The following SLC1A1 variants were observed in gnomAD, a reference collection of about 807,000 sequenced individuals.
The protein encoded by SLC1A1 is solute carrier family 1 member 1.
In SLC1A1, 43 loss-of-function variants were observed where a neutral mutation model predicts 53.3. The observed-to-expected ratio is 0.81, with a 90% CI of 0.63 to 1.04. The LOEUF is 1.04. SLC1A1 is among the 50% of genes least tolerant of loss of function. The pLI is 0.00. For synonymous variants in SLC1A1, 307 were observed against 243.2 expected (o/e 1.26, Z -2.44); for missense variants, 748 against 664.9 (o/e 1.12, Z -1.37).
At chr9:4,508,498 A>G (rs1205414270) in intron 1 of SLC1A1, among the ~76,000 whole-genome samples, 1 of 152,026 alleles carries the variant, frequency 6.6e-6, no homozygotes, top group Non-Finnish European at 1.5e-5. Context: ...GACTCCTAAG[A>G]CTCCATCCCC....
chr9:4,509,003 G>A (rs75136205), intron 1 of SLC1A1, among the ~76,000 whole-genome samples: 107 of 152,140 alleles, frequency 7.0e-4, no homozygotes, highest in African/African-American at 2.4e-3. Context: ...AACTGAGTAG[G>A]GTCCAGAGGA....
At chr9:4,527,535 G>T (rs77941322) in intron 1 of SLC1A1, among the ~76,000 whole-genome samples, 3,339 of 152,192 alleles carry the variant, frequency 0.022, 126 homozygotes, top group African/African-American at 0.077. Context: ...ACACTAGACT[G>T]TTATGGTATA....
intron 1 of SLC1A1, among the ~76,000 whole-genome samples, chr9:4,515,816 T>C (rs566790070): frequency 6.6e-6 from 1 of 152,280 alleles, no homozygotes; most frequent in Admixed American, 6.5e-5. Flanking sequence ...AGCTGGCTGC[T>C]GAGTCAGAAC....
intron 1 of SLC1A1, among the ~76,000 whole-genome samples, chr9:4,523,196 G>C (rs1336267153): frequency 1.3e-5 from 2 of 152,132 alleles, no homozygotes; most frequent in Non-Finnish European, 1.5e-5. Flanking sequence ...TTAGATGTGA[G>C]CTCCTTGAGG....
chr9:4,515,690 G>A (rs138804621), intron 1 of SLC1A1, among the ~76,000 whole-genome samples: 1 of 152,316 alleles, frequency 6.6e-6, no homozygotes, highest in African/African-American at 2.4e-5. Flanking sequence ...TTCACTCCTA[G>A]AGTACTGCAG....
At chr9:4,558,372 A>G (rs1303697684) in intron 2 of SLC1A1, among the ~76,000 whole-genome samples, 1 of 152,172 alleles carries the variant, frequency 6.6e-6, no homozygotes, top group Non-Finnish European at 1.5e-5. Flanking sequence ...CAGTGTAGAG[A>G]AGTATAATCG....
chr9:4,575,975 CTTTAA>C, intron 8 of SLC1A1, 21 bp from the exon 9 acceptor site: 7 of 1,612,778 alleles, frequency 4.3e-6, no homozygotes, highest in Admixed American at 1.7e-5. Flanking sequence ...ATCTTTGAAA[CTTTAA>C]TTTCTCTTTC....
At chr9:4,561,349 C>A (rs774735354) in intron 2 of SLC1A1, 100 bp from the exon 3 acceptor site, 5 of 790,276 alleles carry the variant, frequency 6.3e-6, no homozygotes, top group Non-Finnish European at 1.1e-5. Flanking sequence ...TAGATGAGAA[C>A]GCCTCTCAGC....
intron 1 of SLC1A1, among the ~76,000 whole-genome samples, chr9:4,509,898 A>G (rs1456018075): frequency 6.6e-6 from 1 of 152,154 alleles, no homozygotes; most frequent in African/African-American, 2.4e-5. Context: ...CAGTGGTATG[A>G]TCTCAGCTCA....
In SLC1A1 at chr9:4,583,008, A is replaced by G. The variant is rs754368924; in HGVS notation, c.1194-30A>G. 4 of 1,614,010 alleles carry G rather than the reference A, an allele frequency of 2.5e-6. No individual in the cohort carries two copies. The South Asian group carries it at 3.3e-5, about 13-fold the overall frequency. ...GCTTTAACGGGAGAGGTAAGTGTCT[A>G]ACTCCTTTCCTGCTGGTATGTTTCT... is the stretch of plus-strand genomic sequence containing the variant. On this transcript the variant is annotated intron_variant, in intron 10 of 11. Transcript: ENST00000262352. The surrounding 1 kb of genome is among the most constrained non-coding windows in gnomAD (Gnocchi z 4.6).
intron 1 of SLC1A1, among the ~76,000 whole-genome samples, chr9:4,538,072 G>C (rs959048279): frequency 2.0e-5 from 3 of 152,116 alleles, no homozygotes; most frequent in African/African-American, 7.2e-5. Flanking sequence ...TTCAAGGCCT[G>C]ACATATAGTA....
intron 1 of SLC1A1, among the ~76,000 whole-genome samples, chr9:4,533,810 T>C (rs1816568906): frequency 6.6e-6 from 1 of 152,152 alleles, no homozygotes. Context: ...TAGTTGGAAG[T>C]AAAGCACTCC....
At chr9:4,577,995 A>G (rs899165906) in intron 10 of SLC1A1, among the ~76,000 whole-genome samples, 1 of 152,222 alleles carries the variant, frequency 6.6e-6, no homozygotes, top group Non-Finnish European at 1.5e-5. Flanking sequence ...GGATTGGCAG[A>G]TGATTCTAAA....
chr9:4,523,352 CTTT>C (rs554001010), intron 1 of SLC1A1, among the ~76,000 whole-genome samples: 1 of 148,202 alleles, frequency 6.7e-6, no homozygotes, highest in African/African-American at 2.5e-5. Flanking sequence ...AATGCCTTTT[CTTT>C]TTTTTTTTCC....
chr9:4,544,717 G>A lies in SLC1A1; in HGVS notation c.232+10G>A, dbSNP rs1817309135. 1.2e-6 allele frequency: 2 copies of A among 1,607,728 alleles called. No homozygotes were observed. The highest frequency in any genetic ancestry group is 1.7e-6 in the Non-Finnish European group (2 of 1,174,642). ...TCCAGCATGATTACAGGTACCTTGAGAAAACAGATGTTCTCTATATTAGTC... is the reference window on the plus strand; with the variant it reads ...TCCAGCATGATTACAGGTACCTTGAAAAAACAGATGTTCTCTATATTAGTC... On this transcript the variant is annotated intron_variant, in intron 2 of 11. Coordinates refer to ENST00000262352, the MANE Select transcript of SLC1A1 (RefSeq NM_004170.6).
Position 4,564,400 on chromosome 9 carries a change from G to T in SLC1A1, c.382G>T (p.Ala128Ser). ...TGTCACCCAGAAAGTGGGTGAAATT[G>T]CGAGGACAGGCAGCACCCCTGAAGT... is the stretch of plus-strand genomic sequence containing the variant. ...PGVTQKVGEIARTGSTPEVST... is the reference protein window; with the variant it reads ...PGVTQKVGEISRTGSTPEVST... The change falls in exon 4 of 12, where the codon GCG (alanine) becomes TCG (serine). Residue 128 changes from alanine to serine, a missense_variant. Ala to Ser is a moderately conservative substitution (Grantham distance 99, BLOSUM62 1). Transcript: ENST00000262352. 2 of 1,613,952 alleles carry T rather than the reference G, an allele frequency of 1.2e-6. No individual in the cohort carries two copies. The highest frequency in any genetic ancestry group is 1.7e-6 in the Non-Finnish European group (2 of 1,179,944).
At chr9:4,514,988 G>A (rs114496585) in intron 1 of SLC1A1, among the ~76,000 whole-genome samples, 2,558 of 151,928 alleles carry the variant, frequency 0.017, 56 homozygotes, top group African/African-American at 0.058. Context: ...AGCAGCCGGG[G>A]CTCCTGTATC....
At chr9:4,551,529 T>C (rs1321644512) in intron 2 of SLC1A1, among the ~76,000 whole-genome samples, 1 of 152,232 alleles carries the variant, frequency 6.6e-6, no homozygotes, top group African/African-American at 2.4e-5. Context: ...TGCTATTAAA[T>C]GTAAGCTACT....
intron 2 of SLC1A1, among the ~76,000 whole-genome samples, chr9:4,551,446 T>C (rs1817921787): frequency 6.6e-6 from 1 of 152,224 alleles, no homozygotes; most frequent in Admixed American, 6.5e-5. Flanking sequence ...GGTCATCTGA[T>C]AGTCAGGTCC....
Sources: allele counts gnomAD v4.1 joint callset (sites outside exome capture counted in the v4.1 genomes callset), GRCh38; gene constraint gnomAD v4.1.1; non-coding constraint Gnocchi (gnomAD v3.1); transcripts MANE v1.5; gene names NCBI Gene and HGNC (gene_info 2026-07-23, HGNC 2026-07-21).